Variants in NADSYN1 observed in about 807,000 individuals in gnomAD.
NADSYN1 encodes the protein glutamine-dependent NAD(+) synthetase.
In NADSYN1, 80 loss-of-function variants were observed where a neutral mutation model predicts 99.3. The ratio of observed to expected loss-of-function variants is 0.81; its 90% confidence interval spans 0.67 to 0.97. The LOEUF (loss-of-function observed/expected upper bound fraction) is 0.97. NADSYN1 is among the 50% of genes least tolerant of loss of function. The probability of loss-of-function intolerance (pLI) is 0.00; values close to 1 mark genes in which losing one functional copy is unlikely to be tolerated. For missense variants in NADSYN1, 859 were observed against 948.5 expected (o/e 0.91, Z 1.24); for synonymous variants, 385 against 372.1 (o/e 1.03, Z -0.40).
intron 9 of NADSYN1, chr11:71,476,441 A>G (rs894286066): frequency 1.0e-4 from 31 of 297,036 alleles, no homozygotes; most frequent in South Asian, 1.6e-4. Context: ...TGCTTTCTGC[A>G]CAGCATAGGT....
rs1451380749 is a variant in NADSYN1, at chr11:71,458,485, A to G, written c.204A>G (p.Gln68=). ...CGGACACCCTCTTGCACTCGTTTCA[A>G]GTCCTAGCGGCCCTTGTGGAGTCTC... ...YESDTLLHSF[Q]VLAALVESPV... Residue 68 remains glutamine, a synonymous_variant, in exon 3 of 21, where the codon CAA becomes CAG. Transcript: ENST00000319023. 1 of 1,614,046 alleles carries G rather than the reference A, an allele frequency of 6.2e-7. No homozygotes were observed.
chr11:71,482,089 G>T (rs7949129), intron 13 of NADSYN1, 64 bp downstream of exon 13: 1 of 1,450,814 alleles, frequency 6.9e-7, no homozygotes. Context: ...CCTGAGTTAG[G>T]GACCTAGGAG....
At position 71,474,381 on chromosome 11, in the gene NADSYN1, T is replaced by C; in HGVS notation, c.667-14T>C. 3.7e-6 allele frequency: 6 copies of C among 1,613,878 alleles called. No individual in the cohort carries two copies. The highest frequency in any genetic ancestry group is 1.3e-5 in the African/African-American group (1 of 74,978). ...CACAGCTGACCACTCCGCTATGGGG[T>C]CCTCCTTTTTCAGAACGGTGGGATT... On this transcript the variant is annotated splice_polypyrimidine_tract_variant and intron_variant, in intron 8 of 20. Coordinates refer to ENST00000319023, the MANE Select transcript of NADSYN1 (RefSeq NM_018161.5).
chr11:71,454,898 CGTGTATACAG>C (rs1555148180), intron 1 of NADSYN1, among the ~76,000 whole-genome samples: 1 of 151,824 alleles, frequency 6.6e-6, no homozygotes. Flanking sequence ...CAGGCGTACT[CGTGTATACAG>C]GTGTATACAG....
intron 16 of NADSYN1, among the ~76,000 whole-genome samples, chr11:71,485,962 C>G (rs1017456371): frequency 2.0e-5 from 3 of 152,188 alleles, no homozygotes; most frequent in African/African-American, 7.2e-5. Flanking sequence ...TCCACTGTGT[C>G]TTAAGTCATT....
chr11:71,462,786 T>A (rs1444289431), intron 3 of NADSYN1, among the ~76,000 whole-genome samples: 1 of 152,174 alleles, frequency 6.6e-6, no homozygotes, highest in Non-Finnish European at 1.5e-5. Context: ...TCTTCGACAC[T>A]GTGTCCTCTC....
chr11:71,497,707 G>T, intron 19 of NADSYN1, 96 bp downstream of exon 19: 1 of 1,484,166 alleles, frequency 6.7e-7, no homozygotes, highest in Non-Finnish European at 9.3e-7. Flanking sequence ...AGATAACAGT[G>T]TGACCCTAAC....
rs77247393 is a variant in NADSYN1, at chr11:71,462,962, G to A, written c.264-470G>A. ...TGATAGGGTGTTGGCGAGGTGATGG[G>A]AGCGTGAAGCCAAGACCCAGTCCCG... On this transcript the variant is annotated intron_variant, in intron 3 of 20. Transcript: ENST00000319023. Among the ~76,000 whole-genome samples, 16 of 152,288 alleles carry A rather than the reference G, an allele frequency of 1.1e-4. No homozygotes were observed. In the East Asian group the frequency reaches 2.9e-3, roughly 28 times the overall value.
chr11:71,487,448 G>A (rs1022544089), intron 16 of NADSYN1, among the ~76,000 whole-genome samples: 1 of 152,180 alleles, frequency 6.6e-6, no homozygotes, highest in African/African-American at 2.4e-5. Context: ...TCATTTTCTA[G>A]TATTTAAAAT....
Position 71,482,878 on chromosome 11 carries a change from A to T in NADSYN1, c.1180A>T (p.Ile394Phe). 6.2e-7 allele frequency: 1 copy of T among 1,613,014 alleles called. No homozygotes were observed. The highest frequency in any genetic ancestry group is 8.5e-7 in the Non-Finnish European group (1 of 1,179,576). Residue 394 changes from isoleucine (I) to phenylalanine (F), a missense_variant, in exon 14 of 21, where the codon ATC becomes TTC. By Grantham distance (21) the Ile-to-Phe change is conservative (BLOSUM62 0). Coordinates refer to ENST00000319023, the MANE Select transcript of NADSYN1 (RefSeq NM_018161.5). ...NEEVLADVRT[I>F]VNQISYTPQD... Reference sequence around the variant, plus strand: ...GGAAGTGCTGGCTGATGTCCGCACCATCGTGAACCAGATCAGCTACACCCC... The same window carrying T: ...GGAAGTGCTGGCTGATGTCCGCACCTTCGTGAACCAGATCAGCTACACCCC...
chr11:71,453,506 A>G (rs1949494037), intron 1 of NADSYN1, 125 bp downstream of exon 1: 2 of 836,230 alleles, frequency 2.4e-6, no homozygotes, highest in Admixed American at 2.3e-5. Context: ...GCATGGGATC[A>G]GGTGAGATAA....
chr11:71,471,505 A>G (rs1949626580), intron 5 of NADSYN1, among the ~76,000 whole-genome samples: 1 of 152,214 alleles, frequency 6.6e-6, no homozygotes, highest in African/African-American at 2.4e-5. Flanking sequence ...GGCCGGGTAC[A>G]TGCCTGTCCC....
intron 16 of NADSYN1, 52 bp downstream of exon 16, chr11:71,485,700 T>C (rs1230198506): frequency 7.5e-7 from 1 of 1,339,994 alleles, no homozygotes; most frequent in Non-Finnish European, 1.0e-6. Flanking sequence ...CTCTCAGGTC[T>C]CTGAAGGTGA....
At chr11:71,469,903 A>G (rs1162990043) in intron 5 of NADSYN1, among the ~76,000 whole-genome samples, 1 of 145,092 alleles carries the variant, frequency 6.9e-6, no homozygotes, top group Admixed American at 7.0e-5. Flanking sequence ...TCTAGCCCAG[A>G]AGACAGAACA....
intron 3 of NADSYN1, chr11:71,460,812 G>T (rs529015300): frequency 3.9e-5 from 6 of 152,146 alleles, no homozygotes; most frequent in African/African-American, 1.4e-4. Context: ...TTCTTCAAAC[G>T]GTCCTCAAGG....
In NADSYN1 at chr11:71,473,578, C is replaced by A; in HGVS notation, c.558C>A (p.Ile186=). Residue 186 remains isoleucine (I), a synonymous_variant, in exon 8 of 21, where the codon ATC becomes ATA. Coordinates refer to ENST00000319023, the MANE Select transcript of NADSYN1 (RefSeq NM_018161.5). ...CTGCCTCTGCCTGCAGCCCGCACAT[C>A]GACATGGGCCTGGATGGCGTGGAGA... ...EELWTPHSPH[I]DMGLDGVEII... is the part of the protein sequence containing the mutation. The A allele has an allele frequency of 6.2e-7, 1 of 1,609,946 alleles. No homozygotes were observed. The highest frequency in any genetic ancestry group is 2.2e-5 in the East Asian group (1 of 44,802).
chr11:71,471,221 A>G (rs571933698), intron 5 of NADSYN1, among the ~76,000 whole-genome samples: 1 of 152,322 alleles, frequency 6.6e-6, no homozygotes, highest in South Asian at 2.1e-4. Context: ...GGTGGCAGGA[A>G]GGTGAGGCTG....
At chr11:71,455,861 A>C (rs1394984649) in intron 2 of NADSYN1, among the ~76,000 whole-genome samples, 1 of 152,260 alleles carries the variant, frequency 6.6e-6, no homozygotes, top group African/African-American at 2.4e-5. Flanking sequence ...AGCATAGGTT[A>C]TCGTTTCTTA....
Position 71,483,057 on chromosome 11 carries a change from A to G in NADSYN1, c.1319+40A>G, listed in dbSNP as rs1591132026. On this transcript the variant is annotated intron_variant, in intron 14 of 20. Transcript: ENST00000319023. ...TGGTATTGGGCATGGCAGGTGGCTG[A>G]CAGAGCTCAGAGTCACTGGAAGCTC... 11 of 1,609,368 alleles carry G rather than the reference A, an allele frequency of 6.8e-6. No homozygotes were observed. The East Asian group carries it at 2.5e-4, about 36-fold the overall frequency.
Sources: gnomAD v4.1 joint callset for allele counts (sites outside exome capture counted in the v4.1 genomes callset) on GRCh38, gnomAD v4.1.1 for gene constraint, MANE v1.5 for transcripts, NCBI Gene and HGNC (gene_info 2026-07-23, HGNC 2026-07-21) for gene names.